ANO2: variants seen among roughly 807,000 people sequenced by gnomAD.
The protein encoded by ANO2 is anoctamin 2.
In ANO2, 101 loss-of-function variants were observed where a neutral mutation model predicts 124.2. The observed-to-expected ratio is 0.81, with a 90% CI of 0.69 to 0.96. ANO2 has a LOEUF of 0.96. ANO2 is among the 40% of genes least tolerant of loss of function. ANO2 has a pLI of 0.00. For missense variants in ANO2, 1,293 were observed against 1,274.5 expected (o/e 1.01, Z -0.22); for synonymous variants, 486 against 482.5 (o/e 1.01, Z -0.09).
At chr12:5,628,451 C>A (rs1945523833) in intron 16 of ANO2, among the ~76,000 whole-genome samples, 1 of 152,238 alleles carries the variant, frequency 6.6e-6, no homozygotes, top group African/African-American at 2.4e-5. Flanking sequence ...TTAAAAGGCA[C>A]TAGAGTGTCA....
intron 3 of ANO2, among the ~76,000 whole-genome samples, chr12:5,895,260 TG>T (rs1279307016): frequency 6.6e-6 from 1 of 152,190 alleles, no homozygotes; most frequent in Non-Finnish European, 1.5e-5. Context: ...CAATTGTGAA[TG>T]GGAGTTCACT....
chr12:5,928,344 G>T (rs1006036511), intron 1 of ANO2, among the ~76,000 whole-genome samples: 18 of 152,214 alleles, frequency 1.2e-4, no homozygotes, highest in African/African-American at 4.3e-4. Context: ...GCCCAGGGCT[G>T]CCCTGTGGGA....
chr12:5,608,356 T>C (rs567948656), intron 19 of ANO2, among the ~76,000 whole-genome samples: 2 of 151,608 alleles, frequency 1.3e-5, no homozygotes, highest in East Asian at 3.9e-4. Flanking sequence ...ACTTTGGGGA[T>C]AAAAGATCCT....
At chr12:5,780,372 C>T (rs949706994) in intron 10 of ANO2, among the ~76,000 whole-genome samples, 2 of 152,092 alleles carry the variant, frequency 1.3e-5, no homozygotes, top group Non-Finnish European at 2.9e-5. Context: ...TCTTATAAAT[C>T]TGAAATTGTT....
chr12:5,569,749 C>T (rs1159524162), intron 23 of ANO2, among the ~76,000 whole-genome samples: 1 of 152,012 alleles, frequency 6.6e-6, no homozygotes, highest in African/African-American at 2.4e-5. Flanking sequence ...TGTGTGTATA[C>T]CTTGCATTTT....
At chr12:5,760,846 C>A (rs1463785258) in intron 10 of ANO2, among the ~76,000 whole-genome samples, 2 of 152,058 alleles carry the variant, frequency 1.3e-5, no homozygotes, top group African/African-American at 4.8e-5. Context: ...CTTTAACTTC[C>A]CTGCAAGATT....
chr12:5,762,951 T>C (rs1355396492), intron 10 of ANO2, among the ~76,000 whole-genome samples: 3 of 151,992 alleles, frequency 2.0e-5, no homozygotes, highest in Admixed American at 6.5e-5. Context: ...CTTTTCAATA[T>C]GAAAAGAGCT....
chr12:5,656,206 C>G (rs1459961659), intron 14 of ANO2, among the ~76,000 whole-genome samples: 1 of 152,136 alleles, frequency 6.6e-6, no homozygotes. Flanking sequence ...TAAAAGTGAC[C>G]ACCCACCTGT....
chr12:5,739,012 C>T lies in ANO2; in HGVS notation c.1434+305G>A, dbSNP rs188125957. 22 of 503,732 alleles carry T rather than the reference C, an allele frequency of 4.4e-5. No individual in the cohort carries two copies. In the East Asian group the frequency reaches 9.0e-4, roughly 21 times the overall value. 31.2% of individuals were successfully genotyped at this position (503,732 alleles called of 1,614,324 possible). ...CTCTGGCTTTATGATCTCAAGATTA[C>T]GTCTTGCCTCTTGTTCTTGCATCTT... On this transcript the variant is annotated intron_variant, in intron 13 of 24. Coordinates refer to ENST00000682330, the MANE Select transcript of ANO2 (RefSeq NM_001364791.2).
intron 7 of ANO2, among the ~76,000 whole-genome samples, chr12:5,818,320 G>A (rs1385980963): frequency 6.6e-6 from 1 of 151,522 alleles, no homozygotes; most frequent in Admixed American, 6.6e-5. Context: ...TTTCTCCTGC[G>A]CTGGACCCTT....
At chr12:5,742,659 G>A (rs1951135626) in intron 12 of ANO2, among the ~76,000 whole-genome samples, 1 of 152,208 alleles carries the variant, frequency 6.6e-6, no homozygotes. Flanking sequence ...TTATAGACCT[G>A]GAGTTATTAG....
At chr12:5,815,912 G>A (rs916324269) in intron 7 of ANO2, among the ~76,000 whole-genome samples, 3 of 152,008 alleles carry the variant, frequency 2.0e-5, no homozygotes, top group Non-Finnish European at 4.4e-5. Flanking sequence ...CAATAAAAAC[G>A]TATTGTCTAC....
At chr12:5,628,108 A>C (rs528575901) in intron 16 of ANO2, among the ~76,000 whole-genome samples, 7 of 152,182 alleles carry the variant, frequency 4.6e-5, no homozygotes, top group Non-Finnish European at 8.8e-5. Context: ...TATTTTTGAA[A>C]AAAGAGAGAG....
Position 5,615,201 on chromosome 12 carries a change from G to A in ANO2, c.1913C>T (p.Ala638Val), listed in dbSNP as rs749348947. ...VNAYSPIFYV[A>V]FFKGRFVGRP... The stretch of plus-strand genomic sequence containing the variant: ...TTATACTCACCTCCCTTTGAAAAAG[G>A]CCACATAGAAGATGGGGGAGTAGGC... Residue 638 changes from alanine (A) to valine (V), a missense_variant, in exon 17 of 25, where the codon GCC becomes GTC. Transcript: ENST00000682330. 11 of 1,613,394 alleles carry A rather than the reference G, an allele frequency of 6.8e-6. No homozygotes were observed. The highest frequency in any genetic ancestry group is 9.3e-6 in the Non-Finnish European group (11 of 1,179,660).
chr12:5,583,424 CGGGCGGATCACAA>C (rs1555087981), intron 20 of ANO2, among the ~76,000 whole-genome samples: 1 of 151,950 alleles, frequency 6.6e-6, no homozygotes, highest in Non-Finnish European at 1.5e-5. Context: ...GAGGCCGAGG[CGGGCGGATCACAA>C]GGTCAGGAGA....
chr12:5,717,999 A>C (rs543179279), intron 14 of ANO2, among the ~76,000 whole-genome samples: 1 of 152,210 alleles, frequency 6.6e-6, no homozygotes, highest in Non-Finnish European at 1.5e-5. Context: ...GAGAATCAGT[A>C]AGGAAACCAC....
chr12:5,744,195 G>C lies in ANO2; in HGVS notation c.1313C>G (p.Pro438Arg). The change falls in exon 12 of 25, where the codon CCT becomes CGT. Residue 438 changes from proline (P) to arginine (R), a missense_variant. Physicochemically the swap from Pro to Arg is moderately radical, Grantham distance 103. Coordinates refer to ENST00000682330, the MANE Select transcript of ANO2 (RefSeq NM_001364791.2). ...GAAGATAGAGAAGAAGACGGTGGCA[G>C]GGTTGTCAAACAGGTGGCTGGCCTG... is the stretch of plus-strand genomic sequence containing the variant. The part of the protein sequence containing the change: ...TAQASHLFDN[P>R]ATVFFSIFMA... 1.2e-6 allele frequency: 2 copies of C among 1,613,144 alleles called. No individual in the cohort carries two copies. Among genetic ancestry groups the C allele is most frequent in the African/African-American group, 1.3e-5 (1 of 74,248 alleles).
chr12:5,720,936 G>A (rs1950208650), intron 14 of ANO2, among the ~76,000 whole-genome samples: 1 of 152,200 alleles, frequency 6.6e-6, no homozygotes, highest in African/African-American at 2.4e-5. Flanking sequence ...AAGTGGACCA[G>A]GGCCCCCCAT....
chr12:5,894,570 C>CTA (rs1365856719), intron 3 of ANO2, among the ~76,000 whole-genome samples: 2 of 152,200 alleles, frequency 1.3e-5, no homozygotes, highest in East Asian at 3.8e-4. Context: ...TTGCCCATGC[C>CTA]TATGTCCTGA....
Sources: allele counts gnomAD v4.1 joint callset (sites outside exome capture counted in the v4.1 genomes callset), GRCh38; gene constraint gnomAD v4.1.1; transcripts MANE v1.5; gene names NCBI Gene and HGNC (gene_info 2026-07-23, HGNC 2026-07-21).